The following PZP variants were observed in gnomAD, a reference collection of about 807,000 sequenced individuals.
The protein encoded by PZP is pregnancy zone protein.
PZP carries 150 observed loss-of-function variants against 179.8 expected under a neutral mutation model. That is an observed-to-expected ratio of 0.83 (90% confidence interval 0.73 to 0.96). The LOEUF is 0.96. PZP is among the 40% of genes least tolerant of loss of function. The pLI is 0.00. For missense variants in PZP, 1,689 were observed against 1,764.0 expected, an observed-to-expected ratio of 0.96 and a Z score of 0.76; for synonymous variants, 624 against 652.3, an observed-to-expected ratio of 0.96 and a Z score of 0.66.
At chr12:9,156,207 G>T in intron 28 of PZP, 1 of 207,700 alleles carries the variant, frequency 4.8e-6, no homozygotes, top group South Asian at 9.0e-5. Flanking sequence ...TCCTGCAAGT[G>T]ATTGTTCATG....
intron 34 of PZP, 51 bp from the exon 35 acceptor site, chr12:9,149,653 G>A: frequency 6.3e-7 from 1 of 1,576,120 alleles, no homozygotes. Context: ...ATGAACTAGG[G>A]ACCATGCTAA....
intron 11 of PZP, 69 bp from the exon 12 acceptor site, chr12:9,192,808 G>T: frequency 1.8e-6 from 2 of 1,130,510 alleles, no homozygotes; most frequent in Non-Finnish European, 1.3e-6. Context: ...TCACCAAAAT[G>T]AATAGTTACA....
chr12:9,156,355 C>A, intron 28 of PZP: 1 of 194,876 alleles, frequency 5.1e-6, no homozygotes, highest in Admixed American at 5.0e-5. Flanking sequence ...CCTCCAGGCA[C>A]AGTCCTTCCT....
chr12:9,138,619 A>G, the PZP span, among the ~76,000 whole-genome samples: 1 of 152,012 alleles, frequency 6.6e-6, no homozygotes, highest in Non-Finnish European at 1.5e-5. Context: ...CTGTGAAGCT[A>G]TCTGATCCTG....
chr12:9,150,589 A>C, intron 34 of PZP, 55 bp downstream of exon 34: 2 of 1,183,176 alleles, frequency 1.7e-6, no homozygotes, highest in Non-Finnish European at 2.5e-6. Context: ...CAACTGTCAC[A>C]ACAGGATCCA....
intron 1 of PZP, among the ~76,000 whole-genome samples, chr12:9,205,643 T>C (rs1225222333): frequency 6.6e-6 from 1 of 152,206 alleles, no homozygotes; most frequent in Non-Finnish European, 1.5e-5. Flanking sequence ...CATGATTCAA[T>C]ATCTGCAGGG....
chr12:9,176,533 A>G (rs1942374337), intron 15 of PZP, among the ~76,000 whole-genome samples: 2 of 152,282 alleles, frequency 1.3e-5, no homozygotes, highest in South Asian at 4.1e-4. Flanking sequence ...ACATAGGCAC[A>G]TAAATGAACT....
intron 11 of PZP, among the ~76,000 whole-genome samples, chr12:9,193,780 C>A (rs964057793): frequency 6.6e-6 from 1 of 151,986 alleles, no homozygotes; most frequent in African/African-American, 2.4e-5. Context: ...TAACATAAAA[C>A]AAAGTACATG....
At chr12:9,146,598 G>C (rs575431667), downstream of PZP, among the ~76,000 whole-genome samples, 70 of 152,164 alleles carry the variant, frequency 4.6e-4, 2 homozygotes, top group African/African-American at 1.6e-3. Flanking sequence ...CTCTGCATTA[G>C]ACAAAGGAAG....
intron 9 of PZP, 58 bp from the exon 10 acceptor site, chr12:9,196,497 C>T: frequency 2.5e-6 from 4 of 1,573,886 alleles, no homozygotes; most frequent in Non-Finnish European, 3.5e-6. Flanking sequence ...AAATTTCTTT[C>T]TTACAAATGA....
In PZP at chr12:9,152,313, G is replaced by A. The variant is rs1356933228; in HGVS notation, c.4122-3C>T. The A allele has an allele frequency of 1.2e-6, 2 of 1,606,834 alleles. No homozygotes were observed. Among genetic ancestry groups the A allele is most frequent in the Non-Finnish European group, 1.7e-6 (2 of 1,173,586 alleles). ...AAGCAGGACGGTTTCCTGTGTAACTGTAGTGTCAAAGGAAAAAGAATTTAG... is the reference window on the plus strand; with the variant it reads ...AAGCAGGACGGTTTCCTGTGTAACTATAGTGTCAAAGGAAAAAGAATTTAG... On this transcript the variant is annotated splice_polypyrimidine_tract_variant and splice_region_variant and intron_variant, in intron 31 of 35. Transcript: ENST00000261336.
chr12:9,153,395 G>C (rs1015125760), intron 29 of PZP, 52 bp from the exon 30 acceptor site: 2 of 1,497,988 alleles, frequency 1.3e-6, no homozygotes, highest in Non-Finnish European at 1.8e-6. Flanking sequence ...TTGGCATCTG[G>C]GATTTTCCCC....
chr12:9,168,598 C>T (rs950069157), intron 17 of PZP: 1 of 318,730 alleles, frequency 3.1e-6, no homozygotes, highest in Non-Finnish European at 5.7e-6. Flanking sequence ...TCTTTCTTTC[C>T]ATTGTCAGCA....
chr12:9,197,713 TACATAATATATATAATTATATATTATAC>T (rs1943896821), intron 7 of PZP, among the ~76,000 whole-genome samples: 1 of 86,912 alleles, frequency 1.2e-5, no homozygotes, highest in Non-Finnish European at 2.0e-5. Context: ...TATTATACAA[TACATAATATATATAATTATATATTATAC>T]AATACATAAT....
rs12308489 is a variant in PZP, at chr12:9,187,816, C to G, written c.1546+4377G>C. Among the ~76,000 whole-genome samples the G allele has an allele frequency of 3.5e-3, 538 of 152,330 alleles. 2 individuals carry two copies. The highest frequency in any genetic ancestry group is 0.012 in the African/African-American group (511 of 41,572). On this transcript the variant is annotated intron_variant, in intron 13 of 35. Coordinates refer to ENST00000261336, the MANE Select transcript of PZP (RefSeq NM_002864.3). ...CAGGTGATCCATGCTACACCCTAAT[C>G]ACTACTTGCTCTTCGGAACCTGAAA...
At chr12:9,144,365 A>T (rs1167591096), downstream of PZP, among the ~76,000 whole-genome samples, 1 of 152,060 alleles carries the variant, frequency 6.6e-6, no homozygotes. Flanking sequence ...TGTCCTGCTC[A>T]TGTAAATCAC....
chr12:9,163,814 T>C, intron 20 of PZP, 25 bp from the exon 21 acceptor site: 1 of 1,606,310 alleles, frequency 6.2e-7, no homozygotes, highest in Non-Finnish European at 8.5e-7. Flanking sequence ...ATTGAAAACA[T>C]GAGTATCCAC....
chr12:9,169,354 T>C lies in PZP; in HGVS notation c.2001+76A>G, dbSNP rs377682251. 1.2e-4 allele frequency: 168 copies of C among 1,345,434 alleles called. No individual in the cohort carries two copies. The African/African-American group carries it at 2.4e-3, about 19-fold the overall frequency. The allele number at this position is 1,345,434 out of a possible 1,614,324, so 83.3% of individuals were successfully genotyped here. Reference sequence around the variant, plus strand: ...AGGCAAGGCTACATAATTACTAAGATTATGAATAGATACAGAGTTTTATTA... The same window carrying C: ...AGGCAAGGCTACATAATTACTAAGACTATGAATAGATACAGAGTTTTATTA... On this transcript the variant is annotated intron_variant, in intron 16 of 35. Transcript: ENST00000261336.
At chr12:9,152,363 A>C in intron 31 of PZP, 53 bp from the exon 32 acceptor site, 1 of 1,344,338 alleles carries the variant, frequency 7.4e-7, no homozygotes, top group Non-Finnish European at 1.1e-6. Context: ...AAGAAAGCCA[A>C]ATTTCTGCTT....
Sources: gnomAD v4.1 joint callset for allele counts (sites outside exome capture counted in the v4.1 genomes callset) on GRCh38, gnomAD v4.1.1 for gene constraint, MANE v1.5 for transcripts, NCBI Gene and HGNC (gene_info 2026-07-23, HGNC 2026-07-21) for gene names.